Variants in TSHZ2 observed in about 807,000 individuals in gnomAD.
The protein encoded by TSHZ2 is teashirt zinc finger homeobox 2, also known as teashirt homolog 2.
TSHZ2 carries 21 observed loss-of-function variants against 74.4 expected under a neutral mutation model. The ratio of observed to expected loss-of-function variants is 0.28; its 90% confidence interval spans 0.20 to 0.41. The LOEUF is 0.41. Among genes scored for constraint, TSHZ2 ranks in the 10% least tolerant of loss-of-function variants. TSHZ2 has a pLI of 1.00. For synonymous variants in TSHZ2, 540 were observed against 515.3 expected, an observed-to-expected ratio of 1.05 and a Z score of -0.65; for missense variants, 1,244 against 1,293.5, an observed-to-expected ratio of 0.96 and a Z score of 0.59.
chr20:53,060,549 T>A (rs79542839), intron 1 of TSHZ2, among the ~76,000 whole-genome samples: 1,768 of 152,314 alleles, frequency 0.012, 18 homozygotes, highest in Non-Finnish European at 0.017. Flanking sequence ...TTATGCTAAG[T>A]TAGATAGCTG....
At chr20:53,001,017 G>A (rs1982387488) in intron 1 of TSHZ2, among the ~76,000 whole-genome samples, 1 of 152,148 alleles carries the variant, frequency 6.6e-6, no homozygotes, top group Non-Finnish European at 1.5e-5. Flanking sequence ...AGTTCAGCCA[G>A]GAGTGGAAGA....
intron 2 of TSHZ2, among the ~76,000 whole-genome samples, chr20:53,486,857 G>A (rs4404337): frequency 0.2 from 31,029 of 151,858 alleles, 3,329 homozygotes; most frequent in East Asian, 0.3. Flanking sequence ...TCCCTCCCCA[G>A]CCCCAGTAGA....
intron 2 of TSHZ2, among the ~76,000 whole-genome samples, chr20:53,307,826 C>A (rs560581987): frequency 6.6e-6 from 1 of 151,164 alleles, no homozygotes; most frequent in African/African-American, 2.5e-5. Flanking sequence ...GTGATCTGGG[C>A]GGCTCTAAAC....
chr20:53,041,419 G>A (rs1029948418), intron 1 of TSHZ2, among the ~76,000 whole-genome samples: 1 of 152,188 alleles, frequency 6.6e-6, no homozygotes, highest in African/African-American at 2.4e-5. Flanking sequence ...TCCATGCCCA[G>A]TCCTAAGCCT....
intron 1 of TSHZ2, among the ~76,000 whole-genome samples, 158 bp downstream of exon 1, chr20:52,973,491 G>A (rs1411447647): frequency 1.3e-5 from 2 of 152,082 alleles, no homozygotes; most frequent in Non-Finnish European, 2.9e-5. Context: ...GCCTTCTCTG[G>A]TCTCCCAAAT....
chr20:53,314,163 C>T (rs1978901115), intron 2 of TSHZ2, among the ~76,000 whole-genome samples: 1 of 151,860 alleles, frequency 6.6e-6, no homozygotes, highest in Non-Finnish European at 1.5e-5. Flanking sequence ...TGATGGGTGC[C>T]TATAGTCCCA....
intron 2 of TSHZ2, among the ~76,000 whole-genome samples, chr20:53,404,587 T>C (rs1032213296): frequency 2.0e-5 from 3 of 152,186 alleles, no homozygotes; most frequent in African/African-American, 4.8e-5. Flanking sequence ...CCCATGTACT[T>C]TGCATGACAT....
intron 1 of TSHZ2, among the ~76,000 whole-genome samples, chr20:53,162,717 A>G (rs1321706470): frequency 1.3e-5 from 2 of 152,146 alleles, no homozygotes; most frequent in African/African-American, 4.8e-5. Flanking sequence ...TGCTCCAGGA[A>G]AAGTGGGTAT....
intron 1 of TSHZ2, among the ~76,000 whole-genome samples, chr20:53,067,708 A>G (rs939531310): frequency 4.6e-5 from 7 of 152,162 alleles, no homozygotes; most frequent in African/African-American, 1.4e-4. Context: ...TGTAAACGTG[A>G]TAGATACGGT....
chr20:53,348,661 T>C (rs75627250), intron 2 of TSHZ2, among the ~76,000 whole-genome samples: 5,249 of 152,242 alleles, frequency 0.034, 325 homozygotes, highest in African/African-American at 0.12. Context: ...GGAGGGGAGC[T>C]GGTAATGAAA....
intron 1 of TSHZ2, among the ~76,000 whole-genome samples, chr20:53,222,613 T>G (rs1989589634): frequency 6.6e-6 from 1 of 152,218 alleles, no homozygotes; most frequent in Non-Finnish European, 1.5e-5. Context: ...CCCTGTGTTC[T>G]GAGGGACACG....
In TSHZ2 at chr20:53,108,991, G is replaced by T. The variant is rs557433952; in HGVS notation, c.40+135658G>T. Among the ~76,000 whole-genome samples, 9 of 152,090 alleles carry T rather than the reference G, an allele frequency of 5.9e-5. No individual in the cohort carries two copies. In the South Asian group the frequency reaches 1.9e-3, roughly 32 times the overall value. On this transcript the variant is annotated intron_variant, in intron 1 of 2. Coordinates refer to ENST00000371497, the MANE Select transcript of TSHZ2 (RefSeq NM_173485.6). ...TCCAAGAACTCAGGACAGTTCTTGG[G>T]ATTTTTTCATTATCTCTTTTCAGCT...
At chr20:53,190,396 A>G (rs1988710567) in intron 1 of TSHZ2, among the ~76,000 whole-genome samples, 1 of 151,514 alleles carries the variant, frequency 6.6e-6, no homozygotes, top group Admixed American at 6.6e-5. Context: ...AGGAAGTGGC[A>G]GCAGCAGCAG....
At chr20:53,131,585 G>A (rs1299516017) in intron 1 of TSHZ2, among the ~76,000 whole-genome samples, 1 of 152,202 alleles carries the variant, frequency 6.6e-6, no homozygotes, top group Non-Finnish European at 1.5e-5. Flanking sequence ...CCTCCTGCGT[G>A]TTGGTGCTTT....
At chr20:53,075,663 A>T (rs1985343307) in intron 1 of TSHZ2, among the ~76,000 whole-genome samples, 1 of 152,214 alleles carries the variant, frequency 6.6e-6, no homozygotes, top group South Asian at 2.1e-4. Flanking sequence ...GAGCGTGATA[A>T]GATATGAGAA....
chr20:53,330,109 T>C (rs530971919), intron 2 of TSHZ2, among the ~76,000 whole-genome samples: 1 of 152,368 alleles, frequency 6.6e-6, no homozygotes, highest in East Asian at 1.9e-4. Context: ...TATCTGCCCC[T>C]TTCCAGAATA....
rs1439854578 is a variant in TSHZ2 at position 53,489,055 on chromosome 20, G to A, written c.*1920G>A. On this transcript the variant is annotated 3_prime_UTR_variant, in exon 3 of 3. Transcript: ENST00000371497. Reference sequence around the variant, plus strand: ...ACCCCTCACATCATCGGATTGAGATGGCAGTCGAAATAGCTTCATTGAAGT... The same window carrying A: ...ACCCCTCACATCATCGGATTGAGATAGCAGTCGAAATAGCTTCATTGAAGT... 9 of 456,204 alleles carry A rather than the reference G, an allele frequency of 2.0e-5. No individual in the cohort carries two copies. In the East Asian group the frequency reaches 4.9e-4, roughly 25 times the overall value. 28.3% of individuals were successfully genotyped at this position (456,204 alleles called of 1,614,324 possible). A position where few individuals can be genotyped will look rare whatever the true frequency, so the allele number is the denominator to read the frequency against.
At chr20:53,072,741 G>GA in intron 1 of TSHZ2, among the ~76,000 whole-genome samples, 1 of 152,178 alleles carries the variant, frequency 6.6e-6, no homozygotes, top group Admixed American at 6.5e-5. Flanking sequence ...TTGGAACCTA[G>GA]AAAGTATGGG....
At chr20:53,403,534 CTGTG>C (rs375839220) in intron 2 of TSHZ2, among the ~76,000 whole-genome samples, 9 of 152,292 alleles carry the variant, frequency 5.9e-5, no homozygotes, top group African/African-American at 2.2e-4. Context: ...GTAGAGAACT[CTGTG>C]TGCAGCATCC....
Sources: gnomAD v4.1 joint callset for allele counts (sites outside exome capture counted in the v4.1 genomes callset) on GRCh38, gnomAD v4.1.1 for gene constraint, MANE v1.5 for transcripts, NCBI Gene and HGNC (gene_info 2026-07-23, HGNC 2026-07-21) for gene names.